The following GIGYF2 variants were observed in gnomAD, a reference collection of about 807,000 sequenced individuals.
GIGYF2 encodes GRB10 interacting GYF protein 2.
Under a neutral mutation model 208.1 loss-of-function variants are expected in GIGYF2, and 25 were observed. The ratio of observed to expected loss-of-function variants is 0.12; its 90% CI spans 0.09 to 0.17. GIGYF2 has a LOEUF of 0.17. Ranked by LOEUF, GIGYF2 falls within the 10% of genes least tolerant of loss-of-function variation. GIGYF2 has a pLI of 1.00. For synonymous variants in GIGYF2, 534 were observed against 543.8 expected, an observed-to-expected ratio of 0.98 and a Z score of 0.25; for missense variants, 1,302 against 1,579.4, an observed-to-expected ratio of 0.82 and a Z score of 2.98.
rs752229191 is a variant in GIGYF2, at chr2:232,806,565, G to A, written c.1714G>A (p.Ala572Thr). 14 of 1,610,262 alleles carry A rather than the reference G, an allele frequency of 8.7e-6. No homozygotes were observed. The South Asian group carries it at 1.5e-4, about 18-fold the overall frequency. The change falls in exon 15 of 29, where the codon GCG (alanine) becomes ACG (threonine). Residue 572 changes from alanine (A) to threonine (T), a missense_variant. By Grantham distance (58) the Ala-to-Thr change is moderately conservative (BLOSUM62 0). This residue lies in a region of GIGYF2 where 69 missense variants were observed against 132.8 expected (regional missense o/e 0.52). Transcript: ENST00000373563. The surrounding 1 kb of genome is among the most constrained non-coding windows in gnomAD (Gnocchi z 4.0). ...TACTATGTCTTTATTGGTGAAGAGAGCGTGTGATGAAAGCTTCCAACCTCT... is the reference window on the plus strand; with the variant it reads ...TACTATGTCTTTATTGGTGAAGAGAACGTGTGATGAAAGCTTCCAACCTCT... ...YFTMSLLVKR[A>T]CDESFQPLGD...
chr2:232,720,814 C>T (rs929385459), intron 2 of GIGYF2, among the ~76,000 whole-genome samples: 4 of 152,008 alleles, frequency 2.6e-5, no homozygotes, highest in East Asian at 3.9e-4. Context: ...AGGCTGGTTT[C>T]GAACTCCTGG....
chr2:232,706,966 A>T (rs201691442), intron 2 of GIGYF2, among the ~76,000 whole-genome samples: 1,357 of 85,382 alleles, frequency 0.016, 23 homozygotes, highest in East Asian at 0.049. Context: ...AAAAAAAAAA[A>T]TTTTTTTTTT....
chr2:232,772,908 T>G (rs1276749063), intron 8 of GIGYF2, among the ~76,000 whole-genome samples: 1 of 152,188 alleles, frequency 6.6e-6, no homozygotes, highest in Non-Finnish European at 1.5e-5. Context: ...ACTGCCTTTC[T>G]GTGTTGTTGG....
At chr2:232,700,864 G>A (rs1319717264) in intron 1 of GIGYF2, among the ~76,000 whole-genome samples, 1 of 152,084 alleles carries the variant, frequency 6.6e-6, no homozygotes, top group Non-Finnish European at 1.5e-5. Flanking sequence ...TTTAAAATAA[G>A]ATAAAAAAGT....
At chr2:232,834,858 A>G (rs1408035793) in intron 22 of GIGYF2, among the ~76,000 whole-genome samples, 2 of 151,694 alleles carry the variant, frequency 1.3e-5, no homozygotes, top group Non-Finnish European at 1.5e-5. Flanking sequence ...AAAGTTTTTT[A>G]TATATATTTA....
intron 27 of GIGYF2, among the ~76,000 whole-genome samples, 162 bp from the exon 28 acceptor site, chr2:232,850,100 G>A (rs545325465): frequency 6.6e-6 from 1 of 152,214 alleles, no homozygotes; most frequent in African/African-American, 2.4e-5. Context: ...TGGTGGCTCA[G>A]TGGCCGCTCT....
intron 23 of GIGYF2, among the ~76,000 whole-genome samples, chr2:232,841,461 ATTTT>A (rs57307878): frequency 7.2e-6 from 1 of 138,752 alleles, no homozygotes; most frequent in Admixed American, 7.2e-5. Context: ...ACCACCAGCT[ATTTT>A]TTTTTTTTTT....
intron 6 of GIGYF2, chr2:232,760,010 T>C (rs908887859): frequency 1.8e-5 from 3 of 167,146 alleles, no homozygotes; most frequent in African/African-American, 7.2e-5. Context: ...GAATTGATGC[T>C]ATTAAGTTAT....
At chr2:232,717,017 T>G (rs1226065810) in intron 2 of GIGYF2, among the ~76,000 whole-genome samples, 1 of 151,826 alleles carries the variant, frequency 6.6e-6, no homozygotes, top group African/African-American at 2.4e-5. Flanking sequence ...TTTTGCCATG[T>G]TGCCCAGGCT....
intron 3 of GIGYF2, among the ~76,000 whole-genome samples, chr2:232,740,188 TG>T (rs1338491438): frequency 6.6e-6 from 1 of 152,134 alleles, no homozygotes. Flanking sequence ...TCGAGTGTGG[TG>T]GCATGCACCT....
intron 21 of GIGYF2, among the ~76,000 whole-genome samples, chr2:232,821,632 A>G (rs1701083710): frequency 6.6e-6 from 1 of 152,168 alleles, no homozygotes; most frequent in Admixed American, 6.5e-5. Context: ...TCCAGGCTAT[A>G]GCATGTCTAT....
At chr2:232,748,432 G>A (rs1345517910) in intron 4 of GIGYF2, among the ~76,000 whole-genome samples, 2 of 152,064 alleles carry the variant, frequency 1.3e-5, no homozygotes, top group African/African-American at 2.4e-5. Context: ...ATAGATATGC[G>A]TTCCCACGCT....
At chr2:232,812,357 A>T in intron 17 of GIGYF2, 34 bp from the exon 18 acceptor site, 1 of 882,120 alleles carries the variant, frequency 1.1e-6, no homozygotes, top group South Asian at 1.3e-5. Flanking sequence ...TGCAAATGAC[A>T]AGAACAAGTT....
chr2:232,780,161 C>A (rs1051675497), intron 8 of GIGYF2, among the ~76,000 whole-genome samples: 1 of 152,170 alleles, frequency 6.6e-6, no homozygotes, highest in African/African-American at 2.4e-5. Flanking sequence ...TCCATAAACA[C>A]TATTTTTGGC....
In GIGYF2 at chr2:232,809,426, T is replaced by C. The variant is rs532125225; in HGVS notation, c.1807-294T>C. Among the ~76,000 whole-genome samples the C allele has an allele frequency of 3.3e-5, 5 of 152,358 alleles. No individual in the cohort carries two copies. The South Asian group carries it at 1.0e-3, about 32-fold the overall frequency. On this transcript the variant is annotated intron_variant, in intron 15 of 28. Transcript: ENST00000373563. ...AGTCTTTCAGTTACAGTAATAACTC[T>C]GAAGTACAGTTGAACATTCAGCTTT...
chr2:232,730,925 AATCTTTAC>A (rs1697463346), intron 2 of GIGYF2, among the ~76,000 whole-genome samples: 1 of 151,312 alleles, frequency 6.6e-6, no homozygotes, highest in Admixed American at 6.6e-5. Context: ...AAAAAAAAGA[AATCTTTAC>A]ATTAGGAAAT....
In GIGYF2 at chr2:232,838,286, G is replaced by GTA. The variant is rs200026858; in HGVS notation, c.2767-1550_2767-1549dup. Reference sequence around the variant, plus strand: ...TATGTGTGTATGTGTGTGTGCATGTGTATATATATATATACACGCATATGT... The same window carrying GTA: ...TATGTGTGTATGTGTGTGTGCATGTGTATATATATATATATACACGCATATGT... On this transcript the variant is annotated intron_variant, in intron 22 of 28. Coordinates refer to ENST00000373563, the MANE Select transcript of GIGYF2 (RefSeq NM_001103146.3). 1.2e-3 allele frequency among the ~76,000 whole-genome samples: 174 copies of GTA among 151,130 alleles called. 1 individual carries two copies. The East Asian group carries it at 0.018, about 16-fold the overall frequency.
At chr2:232,831,667 T>A in intron 21 of GIGYF2, among the ~76,000 whole-genome samples, 1 of 152,238 alleles carries the variant, frequency 6.6e-6, no homozygotes, top group Non-Finnish European at 1.5e-5. Flanking sequence ...GCTTCAGTGA[T>A]TCAGTGAATG....
intron 12 of GIGYF2, 79 bp from the exon 13 acceptor site, chr2:232,794,669 T>A: frequency 9.2e-7 from 1 of 1,091,736 alleles, no homozygotes. Context: ...TTTAGCAGGC[T>A]GTGCGACTTG....
Sources: allele counts gnomAD v4.1 joint callset (sites outside exome capture counted in the v4.1 genomes callset), GRCh38; gene constraint gnomAD v4.1.1; regional missense constraint gnomAD v4.1.1; non-coding constraint Gnocchi (gnomAD v3.1); transcripts MANE v1.5; gene names NCBI Gene and HGNC (gene_info 2026-07-23, HGNC 2026-07-21).